CUX1: variants seen among roughly 807,000 people sequenced by gnomAD.
CUX1 encodes the protein protein CASP.
Under a neutral mutation model 158.8 loss-of-function variants are expected in CUX1, and 31 were observed. That is an observed-to-expected ratio of 0.20 (90% confidence interval 0.15 to 0.26). The LOEUF is 0.26. Ranked by LOEUF, CUX1 falls within the 10% of genes least tolerant of loss-of-function variation. The probability of loss-of-function intolerance (pLI) is 1.00; values close to 1 mark genes in which losing one functional copy is unlikely to be tolerated. For synonymous variants in CUX1, 879 were observed against 862.1 expected, an observed-to-expected ratio of 1.02 and a Z score of -0.34; for missense variants, 1,589 against 2,014.6, an observed-to-expected ratio of 0.79 and a Z score of 4.04.
At chr7:102,169,797 T>C (rs1279273121) in intron 9 of CUX1, among the ~76,000 whole-genome samples, 1 of 152,230 alleles carries the variant, frequency 6.6e-6, no homozygotes, top group Non-Finnish European at 1.5e-5. Flanking sequence ...TCCACTCATT[T>C]GTCCCGCAGC....
At chr7:102,142,014 G>A (rs1488035950) in intron 8 of CUX1, among the ~76,000 whole-genome samples, 3 of 152,010 alleles carry the variant, frequency 2.0e-5, no homozygotes, top group African/African-American at 7.2e-5. Context: ...GTACTTGGGA[G>A]TAAAGGCCAG....
chr7:102,149,228 A>G (rs1004732620), intron 8 of CUX1, among the ~76,000 whole-genome samples: 1 of 151,880 alleles, frequency 6.6e-6, no homozygotes, highest in African/African-American at 2.4e-5. Flanking sequence ...CTGCTCAGTA[A>G]ATCTGTACTC....
Position 102,249,005 on chromosome 7 carries a change from C to A in CUX1, c.4481C>A (p.Ala1494Asp). ...AGCATCATCCACCGCCTGGAGAAGG[C>A]CGCCAGCCGGGAGGAACCTATCGAA... Reference protein sequence around the residue: ...LNSIIHRLEKAASREEPIEWE... With the variant: ...LNSIIHRLEKDASREEPIEWE... The change falls in exon 24 of 24, where the codon GCC (alanine) becomes GAC (aspartate). Residue 1494 changes from alanine (A) to aspartate (D), a missense_variant. Coordinates refer to ENST00000292535, the MANE Select transcript of CUX1 (RefSeq NM_181552.4). 1 of 1,403,544 alleles carries A rather than the reference C, an allele frequency of 7.1e-7. No individual in the cohort carries two copies. The highest frequency in any genetic ancestry group is 9.4e-7 in the Non-Finnish European group (1 of 1,067,362). The allele number at this position is 1,403,544 out of a possible 1,614,324, so 86.9% of individuals were successfully genotyped here. A position where few individuals can be genotyped will look rare whatever the true frequency, so the allele number is the denominator to read the frequency against.
intron 2 of CUX1, among the ~76,000 whole-genome samples, chr7:101,929,952 C>A (rs1047025184): frequency 6.6e-6 from 1 of 152,184 alleles, no homozygotes; most frequent in Non-Finnish European, 1.5e-5. Flanking sequence ...AGCGATTCTC[C>A]TACCTCAGCC....
chr7:102,277,897 T>C, intron 17 of CUX1: 1 of 1,152,398 alleles, frequency 8.7e-7, no homozygotes, highest in Admixed American at 2.3e-5. Flanking sequence ...GCAGCACCTG[T>C]GCCAGCACGG....
At chr7:102,098,127 T>C (rs555652869) in intron 5 of CUX1, among the ~76,000 whole-genome samples, 4 of 152,256 alleles carry the variant, frequency 2.6e-5, no homozygotes, top group Non-Finnish European at 5.9e-5. Flanking sequence ...CAGGAGCCTG[T>C]TGGCTTCCTT....
chr7:101,950,180 T>C (rs1424182897), intron 2 of CUX1, among the ~76,000 whole-genome samples: 1 of 152,138 alleles, frequency 6.6e-6, no homozygotes, highest in Non-Finnish European at 1.5e-5. Context: ...CGGCTAATTT[T>C]TGTATTTTTA....
At chr7:102,023,141 G>C (rs1819580347) in intron 2 of CUX1, among the ~76,000 whole-genome samples, 1 of 152,112 alleles carries the variant, frequency 6.6e-6, no homozygotes, top group African/African-American at 2.4e-5. Flanking sequence ...CTTGAACCTG[G>C]GGGGTGGAGG....
At chr7:102,200,650 A>T (rs377457519) in intron 17 of CUX1, among the ~76,000 whole-genome samples, 1 of 151,326 alleles carries the variant, frequency 6.6e-6, no homozygotes, top group South Asian at 2.1e-4. Context: ...CCCTAGTTGT[A>T]ATTATTCACA....
At chr7:101,823,785 C>CT (rs1792948870) in intron 1 of CUX1, among the ~76,000 whole-genome samples, 1 of 152,136 alleles carries the variant, frequency 6.6e-6, no homozygotes, top group African/African-American at 2.4e-5. Context: ...CAAATTAGCT[C>CT]TTTCTTAAGT....
chr7:101,869,239 C>T lies in CUX1; in HGVS notation c.31-46876C>T, dbSNP rs1319014495. ...CTGTGGCAGAGGGGCTGTGTCAGAG[C>T]CCCGGCTGGCGAGAGGAGCATCACT... is the stretch of plus-strand genomic sequence containing the variant. On this transcript the variant is annotated intron_variant, in intron 1 of 23. Transcript: ENST00000292535. The surrounding 1 kb of genome is among the most constrained non-coding windows in gnomAD (Gnocchi z 4.5). Among the ~76,000 whole-genome samples, 1 of 151,652 alleles carries T rather than the reference C, an allele frequency of 6.6e-6. No individual in the cohort carries two copies. Among genetic ancestry groups the T allele is most frequent in the Non-Finnish European group, 1.5e-5 (1 of 68,002 alleles).
chr7:101,822,047 G>C (rs529085744), intron 1 of CUX1, among the ~76,000 whole-genome samples: 13 of 151,856 alleles, frequency 8.6e-5, no homozygotes, highest in African/African-American at 1.7e-4. Flanking sequence ...GTTGAGACGA[G>C]GTTTCACTGT....
intron 9 of CUX1, among the ~76,000 whole-genome samples, chr7:102,159,702 A>T (rs1790223273): frequency 6.6e-6 from 1 of 151,686 alleles, no homozygotes; most frequent in African/African-American, 2.4e-5. Flanking sequence ...CTCTACTAAA[A>T]ATACAAAATT....
At chr7:102,090,367 G>GTT (rs368587939) in intron 4 of CUX1, among the ~76,000 whole-genome samples, 2 of 144,900 alleles carry the variant, frequency 1.4e-5, no homozygotes, top group African/African-American at 2.5e-5. Context: ...CCATGATACC[G>GTT]TTTTTTTTTT....
At chr7:101,938,311 C>G (rs920540241) in intron 2 of CUX1, among the ~76,000 whole-genome samples, 1 of 151,930 alleles carries the variant, frequency 6.6e-6, no homozygotes, top group Non-Finnish European at 1.5e-5. Flanking sequence ...CGCTATGTTG[C>G]CCAGGTTGGT....
rs1335021144 is a variant in CUX1 at position 102,251,833 on chromosome 7, G to C, written c.*2791G>C. ...AGTAGGCTAGGGTTTAGTTTTAAAG[G>C]CATGACTGTTATTTACAAAGGTGTT... On this transcript the variant is annotated 3_prime_UTR_variant, in exon 24 of 24. Transcript: ENST00000292535. 2 of 985,234 alleles carry C rather than the reference G, an allele frequency of 2.0e-6. No individual in the cohort carries two copies. Among genetic ancestry groups the C allele is most frequent in the Non-Finnish European group, 2.4e-6 (2 of 829,922 alleles). The allele number at this position is 985,234 out of a possible 1,614,324, so 61.0% of individuals were successfully genotyped here. A position where few individuals can be genotyped will look rare whatever the true frequency, so the allele number is the denominator to read the frequency against.
chr7:101,919,009 C>T (rs1290640596), intron 2 of CUX1, among the ~76,000 whole-genome samples: 1 of 152,196 alleles, frequency 6.6e-6, no homozygotes, highest in Non-Finnish European at 1.5e-5. Flanking sequence ...GAACTCCTGA[C>T]CTCAGGTGAT....
intron 3 of CUX1, among the ~76,000 whole-genome samples, chr7:102,065,042 C>T (rs986894037): frequency 1.3e-5 from 2 of 152,100 alleles, no homozygotes; most frequent in Non-Finnish European, 2.9e-5. Flanking sequence ...ACTGGGTGAG[C>T]TGCAGAGGGA....
intron 13 of CUX1, among the ~76,000 whole-genome samples, chr7:102,194,454 G>A (rs1298952542): frequency 6.8e-6 from 1 of 146,804 alleles, no homozygotes; most frequent in Non-Finnish European, 1.5e-5. Context: ...AAAAAAAATA[G>A]CCAAGTACTG....
Sources: gnomAD v4.1 joint callset for allele counts (sites outside exome capture counted in the v4.1 genomes callset) on GRCh38, gnomAD v4.1.1 for gene constraint, Gnocchi (gnomAD v3.1) non-coding constraint, MANE v1.5 for transcripts, NCBI Gene and HGNC (gene_info 2026-07-23, HGNC 2026-07-21) for gene names.